The following STK17A variants were observed in gnomAD, a reference collection of about 807,000 sequenced individuals.
STK17A encodes the protein serine/threonine-protein kinase 17A.
A neutral mutation model predicts 43.7 loss-of-function variants in STK17A; 26 were observed. The observed-to-expected ratio is 0.60, with a 90% CI of 0.44 to 0.83. The LOEUF (loss-of-function observed/expected upper bound fraction) is 0.83. Ranked by LOEUF, STK17A falls within the 40% of genes least tolerant of loss-of-function variation. The probability of loss-of-function intolerance (pLI) is 0.00; values close to 1 mark genes in which losing one functional copy is unlikely to be tolerated. For synonymous variants in STK17A, 191 were observed against 182.5 expected (o/e 1.05, Z -0.38); for missense variants, 476 against 511.6 (o/e 0.93, Z 0.67).
intron 1 of STK17A, among the ~76,000 whole-genome samples, chr7:43,584,823 G>T (rs2082427572): frequency 6.6e-6 from 1 of 152,218 alleles, no homozygotes; most frequent in Non-Finnish European, 1.5e-5. Context: ...TGTGACAAAA[G>T]ATGAAGGGAG....
chr7:43,587,147 G>GTTTTTTTTTTTTTTTTTTTTTTTTTT (rs202031785), intron 1 of STK17A, among the ~76,000 whole-genome samples: 1 of 113,450 alleles, frequency 8.8e-6, no homozygotes, highest in Non-Finnish European at 2.0e-5. Context: ...TGTTTTTATT[G>GTTTTTTTTTTTTTTTTTTTTTTTTTT]TTTTTTGTTT....
intron 3 of STK17A, among the ~76,000 whole-genome samples, chr7:43,613,834 T>G (rs2083094525): frequency 2.0e-5 from 3 of 152,142 alleles, no homozygotes; most frequent in Admixed American, 2.0e-4. Flanking sequence ...CAGAGTGAGA[T>G]CCTGTCTCAA....
At chr7:43,597,018 A>G (rs552716266) in intron 2 of STK17A, among the ~76,000 whole-genome samples, 38 of 152,274 alleles carry the variant, frequency 2.5e-4, no homozygotes, top group African/African-American at 9.1e-4. Flanking sequence ...TAATTAATTT[A>G]AAAAAACAAA....
chr7:43,603,177 C>A (rs1214092043), intron 2 of STK17A, among the ~76,000 whole-genome samples: 1 of 152,132 alleles, frequency 6.6e-6, no homozygotes, highest in Admixed American at 6.5e-5. Context: ...TGATATTATT[C>A]TCTTGCTTAG....
At chr7:43,591,788 A>G (rs2152970707) in intron 1 of STK17A, among the ~76,000 whole-genome samples, 1 of 151,672 alleles carries the variant, frequency 6.6e-6, no homozygotes, top group East Asian at 1.9e-4. Flanking sequence ...TGCCCTGTTA[A>G]ATTCTAACTT....
At chr7:43,613,618 G>A (rs1281321884) in intron 3 of STK17A, among the ~76,000 whole-genome samples, 1 of 152,132 alleles carries the variant, frequency 6.6e-6, no homozygotes, top group African/African-American at 2.4e-5. Context: ...TGAGGTAGAA[G>A]GACCACATGA....
intron 3 of STK17A, among the ~76,000 whole-genome samples, chr7:43,610,559 C>G (rs2082766455): frequency 6.6e-6 from 1 of 151,116 alleles, no homozygotes; most frequent in South Asian, 2.1e-4. Flanking sequence ...CCCAGCTACT[C>G]CAGAGGCTGA....
intron 1 of STK17A, among the ~76,000 whole-genome samples, chr7:43,590,120 A>AT: frequency 6.7e-6 from 1 of 149,758 alleles, no homozygotes; most frequent in East Asian, 1.9e-4. Context: ...TAATTTTTGT[A>AT]TTTTTTGTAG....
At chr7:43,600,323 A>T (rs1272714991) in intron 2 of STK17A, among the ~76,000 whole-genome samples, 1 of 152,226 alleles carries the variant, frequency 6.6e-6, no homozygotes, top group Non-Finnish European at 1.5e-5. Flanking sequence ...TCAGGATTTC[A>T]ACAGTCGAGA....
In STK17A at chr7:43,583,126, T is replaced by G. The variant is rs2082410785; in HGVS notation, c.-118T>G. 9.0e-7 allele frequency: 1 copy of G among 1,111,104 alleles called. No homozygotes were observed. Among genetic ancestry groups the G allele is most frequent in the Non-Finnish European group, 1.3e-6 (1 of 791,144 alleles). The allele number at this position is 1,111,104 out of a possible 1,614,324, so 68.8% of individuals were successfully genotyped here. ...GCCTGCCGCAGTCCGAGCGCCGCGCTGGGGAGAGCGGGTGTTTGAAGGCTC... is the reference window on the plus strand; with the variant it reads ...GCCTGCCGCAGTCCGAGCGCCGCGCGGGGGAGAGCGGGTGTTTGAAGGCTC... On this transcript the variant is annotated 5_prime_UTR_variant, in exon 1 of 7. Coordinates refer to ENST00000319357, the MANE Select transcript of STK17A (RefSeq NM_004760.3).
At chr7:43,619,795 A>T in intron 4 of STK17A, 72 bp downstream of exon 4, 1 of 1,554,990 alleles carries the variant, frequency 6.4e-7, no homozygotes, top group Non-Finnish European at 8.7e-7. Context: ...TCCATGTGGC[A>T]TGACTCATAG....
chr7:43,600,537 C>T (rs1390529950), intron 2 of STK17A, among the ~76,000 whole-genome samples: 1 of 151,864 alleles, frequency 6.6e-6, no homozygotes, highest in East Asian at 1.9e-4. Flanking sequence ...ATGTAAATTG[C>T]CTATATACAG....
chr7:43,615,980 G>A (rs1319236239), intron 3 of STK17A, among the ~76,000 whole-genome samples: 3 of 152,144 alleles, frequency 2.0e-5, no homozygotes, highest in Non-Finnish European at 4.4e-5. Flanking sequence ...CCTGCTTTGA[G>A]TTCCCCATAG....
intron 3 of STK17A, among the ~76,000 whole-genome samples, chr7:43,617,486 G>T (rs1309119781): frequency 6.6e-6 from 1 of 152,198 alleles, no homozygotes; most frequent in Admixed American, 6.5e-5. Flanking sequence ...AAATGGAAGA[G>T]CGGGGAGGAA....
chr7:43,583,388 G>T lies in STK17A; in HGVS notation c.145G>T (p.Val49Leu). The T allele has an allele frequency of 2.8e-6, 4 of 1,446,930 alleles. No homozygotes were observed. Among genetic ancestry groups the T allele is most frequent in the Non-Finnish European group, 3.6e-6 (4 of 1,097,900 alleles). 89.6% of individuals were successfully genotyped at this position (1,446,930 alleles called of 1,614,324 possible). A position where few individuals can be genotyped will look rare whatever the true frequency, so the allele number is the denominator to read the frequency against. The change falls in exon 1 of 7, where the codon GTG (valine) becomes TTG (leucine). Residue 49 changes from valine to leucine, a missense_variant. By Grantham distance (32) the Val-to-Leu change is conservative. This residue lies in a region of STK17A where 320 missense variants were observed against 326.3 expected (regional missense o/e 0.98). Transcript: ENST00000319357. ...CGGGCTGCTGACAGAGATACGCGCC[G>T]TGGTGCGCACCGAGCCCTTCCAGGA... ...ARGLLTEIRAVVRTEPFQDGY... is the reference protein window; with the variant it reads ...ARGLLTEIRALVRTEPFQDGY...
intron 3 of STK17A, among the ~76,000 whole-genome samples, chr7:43,615,959 TC>T (rs2083302332): frequency 6.6e-6 from 1 of 152,140 alleles, no homozygotes; most frequent in African/African-American, 2.4e-5. Context: ...GCAACCACTC[TC>T]GCCCATCACC....
Position 43,626,626 on chromosome 7 carries a change from A to G in STK17A, c.*1784A>G, listed in dbSNP as rs2084571907. On this transcript the variant is annotated 3_prime_UTR_variant, in exon 7 of 7. Coordinates refer to ENST00000319357, the MANE Select transcript of STK17A (RefSeq NM_004760.3). Reference sequence around the variant, plus strand: ...AAGTTAAACACAGTATTAGGCAAATATTTATCTCTCTGAAAAAATAGGGAG... The same window carrying G: ...AAGTTAAACACAGTATTAGGCAAATGTTTATCTCTCTGAAAAAATAGGGAG... The G allele has an allele frequency of 6.6e-6, 1 of 152,176 alleles. No homozygotes were observed. The highest frequency in any genetic ancestry group is 2.4e-5 in the African/African-American group (1 of 41,432). 9.4% of individuals were successfully genotyped at this position (152,176 alleles called of 1,614,324 possible).
Position 43,586,235 on chromosome 7 carries a change from G to C in STK17A, c.206+2786G>C, listed in dbSNP as rs145314895. 8.1e-4 allele frequency among the ~76,000 whole-genome samples: 123 copies of C among 151,434 alleles called. 7 individuals are homozygous for C. Among genetic ancestry groups the C allele is most frequent in the Admixed American group, 6.2e-3 (94 of 15,228 alleles). On this transcript the variant is annotated intron_variant, in intron 1 of 6. Transcript: ENST00000319357. ...ATTTAGTAAAATGCAGAAGGGGTGT[G>C]ATGAGTTAACTGTTCAAACAAATCA...
At chr7:43,612,764 G>A (rs545806511) in intron 3 of STK17A, among the ~76,000 whole-genome samples, 2 of 151,684 alleles carry the variant, frequency 1.3e-5, no homozygotes, top group African/African-American at 2.4e-5. Flanking sequence ...CTGATTCACT[G>A]AAGACTGTCA....
Sources: allele counts gnomAD v4.1 joint callset (sites outside exome capture counted in the v4.1 genomes callset), GRCh38; gene constraint gnomAD v4.1.1; regional missense constraint gnomAD v4.1.1; transcripts MANE v1.5; gene names NCBI Gene and HGNC (gene_info 2026-07-23, HGNC 2026-07-21).